The following ZFHX3 variants were observed in gnomAD, a reference collection of about 807,000 sequenced individuals.
ZFHX3 encodes the protein zinc finger homeobox 3.
ZFHX3 carries 42 observed loss-of-function variants against 279.1 expected under a neutral mutation model. The observed-to-expected ratio is 0.15, with a 90% confidence interval of 0.12 to 0.19. The LOEUF (loss-of-function observed/expected upper bound fraction) is 0.19, where lower values mean the gene tolerates loss of function less well. ZFHX3 is among the 10% of genes least tolerant of loss of function. The pLI is 1.00. For missense variants in ZFHX3, 4,981 were observed against 4,754.0 expected, an observed-to-expected ratio of 1.05 and a Z score of -1.40; for synonymous variants, 2,293 against 1,957.8, an observed-to-expected ratio of 1.17 and a Z score of -4.52.
intron 2 of ZFHX3, among the ~76,000 whole-genome samples, chr16:73,559,879 G>T (rs185824509): frequency 1.1e-4 from 16 of 152,326 alleles, no homozygotes; most frequent in Non-Finnish European, 2.1e-4. Context: ...TCAGGCCTGA[G>T]CCTAGGACAA....
Position 72,958,122 on chromosome 16 carries a change from T to G in ZFHX3, c.2024A>C (p.Lys675Thr). The G allele has an allele frequency of 6.2e-7, 1 of 1,614,216 alleles. No individual in the cohort carries two copies. The highest frequency in any genetic ancestry group is 8.5e-7 in the Non-Finnish European group (1 of 1,180,040). The change falls in exon 2 of 10, where the codon AAG becomes ACG. Residue 675 changes from lysine (K) to threonine (T), a missense_variant. This residue lies in a region of ZFHX3 where 1,068 missense variants were observed against 935.2 expected (regional missense o/e 1.14). Coordinates refer to ENST00000268489, the MANE Select transcript of ZFHX3 (RefSeq NM_006885.4). The stretch of plus-strand genomic sequence containing the variant: ...CTGGTACTTATAGTGCCAGTTGCAC[T>G]TGGGGCACTTGAGTGTCTTACACGA... ...RNSCKTLKCPKCNWHYKYQQT... is the reference protein window; with the variant it reads ...RNSCKTLKCPTCNWHYKYQQT...
At chr16:73,499,893 A>G (rs1322140031) in intron 2 of ZFHX3, 1 of 152,212 alleles carries the variant, frequency 6.6e-6, no homozygotes, top group East Asian at 1.9e-4. Context: ...CCAAAACATC[A>G]CTGTGCAAGG....
At chr16:72,972,959 C>A (rs1027150661) in intron 1 of ZFHX3, among the ~76,000 whole-genome samples, 1 of 152,220 alleles carries the variant, frequency 6.6e-6, no homozygotes, top group African/African-American at 2.4e-5. Flanking sequence ...ATTTAAGCGT[C>A]ATTGTACTCT....
At chr16:72,965,338 T>A (rs1007842609) in intron 1 of ZFHX3, among the ~76,000 whole-genome samples, 3 of 152,208 alleles carry the variant, frequency 2.0e-5, no homozygotes, top group Non-Finnish European at 2.9e-5. Flanking sequence ...AACGCCCTTT[T>A]CTTGCTTGAG....
intron 1 of ZFHX3, among the ~76,000 whole-genome samples, chr16:73,783,032 T>C (rs1959525222): frequency 6.6e-6 from 1 of 152,168 alleles, no homozygotes. Flanking sequence ...GAAGTGCTAG[T>C]TGCCAGAGAG....
chr16:72,919,563 G>GT (rs34441310), intron 3 of ZFHX3, among the ~76,000 whole-genome samples: 20,424 of 150,110 alleles, frequency 0.14, 1,721 homozygotes, highest in Middle Eastern at 0.2. Flanking sequence ...GATCTGTTTT[G>GT]TTTTTTTTTA....
intron 4 of ZFHX3, among the ~76,000 whole-genome samples, chr16:72,875,084 C>T (rs1456251886): frequency 6.6e-6 from 1 of 152,160 alleles, no homozygotes; most frequent in African/African-American, 2.4e-5. Flanking sequence ...ATGATATGGG[C>T]CAGTGTTTGT....
At chr16:73,603,633 T>C (rs1005392197) in intron 2 of ZFHX3, among the ~76,000 whole-genome samples, 1 of 152,142 alleles carries the variant, frequency 6.6e-6, no homozygotes, top group African/African-American at 2.4e-5. Flanking sequence ...AATAACATTA[T>C]TTATTATAAC....
chr16:73,058,511 G>A (rs1351359878), intron 1 of ZFHX3: 4 of 162,138 alleles, frequency 2.5e-5, no homozygotes, highest in Admixed American at 6.6e-5. Context: ...AAAAAAAAGA[G>A]GGAAAAGTTG....
rs140183599 is a variant in ZFHX3 at position 72,817,597 on chromosome 16, C to G, written c.3530-5559G>C. Among the ~76,000 whole-genome samples, 662 of 152,332 alleles carry G rather than the reference C, an allele frequency of 4.3e-3. 4 individuals are homozygous for G. The highest frequency in any genetic ancestry group is 0.015 in the African/African-American group (628 of 41,572). On this transcript the variant is annotated intron_variant, in intron 5 of 9. Coordinates refer to ENST00000268489, the MANE Select transcript of ZFHX3 (RefSeq NM_006885.4). ...ACACACCAGTGCGCTGTTGGCATGG[C>G]TGCATCCTACGATGCAGACCATTCT...
chr16:73,321,692 A>T (rs1172317510), intron 3 of ZFHX3, among the ~76,000 whole-genome samples: 2 of 152,210 alleles, frequency 1.3e-5, no homozygotes, highest in Non-Finnish European at 2.9e-5. Flanking sequence ...AGAGAGAGGC[A>T]GGCCTGGCCT....
intron 2 of ZFHX3, among the ~76,000 whole-genome samples, chr16:73,621,943 A>G (rs1018122805): frequency 1.3e-5 from 2 of 152,236 alleles, no homozygotes; most frequent in African/African-American, 4.8e-5. Context: ...CTAATGGAGG[A>G]GAATTCTACA....
chr16:73,497,126 G>T (rs958460319), intron 2 of ZFHX3, among the ~76,000 whole-genome samples: 8 of 152,170 alleles, frequency 5.3e-5, no homozygotes, highest in Non-Finnish European at 1.2e-4. Context: ...CTTTCCTGTA[G>T]AAAGTTTTAT....
intron 8 of ZFHX3, among the ~76,000 whole-genome samples, chr16:73,083,021 T>TAAAAAA (rs71156139): frequency 7.6e-6 from 1 of 132,046 alleles, no homozygotes; most frequent in African/African-American, 3.1e-5. Flanking sequence ...CCATCTCTAC[T>TAAAAAA]AAAAAAAAAA....
intron 3 of ZFHX3, among the ~76,000 whole-genome samples, chr16:73,375,554 A>G: frequency 6.6e-6 from 1 of 152,352 alleles, no homozygotes; most frequent in Non-Finnish European, 1.5e-5. Context: ...ATAACATGAT[A>G]TAACTATATA....
At chr16:73,404,436 C>G (rs1200524854) in intron 3 of ZFHX3, among the ~76,000 whole-genome samples, 1 of 152,058 alleles carries the variant, frequency 6.6e-6, no homozygotes, top group South Asian at 2.1e-4. Flanking sequence ...CTCGTAGGAC[C>G]TCCTAGGATG....
At chr16:73,039,854 A>G (rs1965046833) in intron 1 of ZFHX3, among the ~76,000 whole-genome samples, 1 of 152,136 alleles carries the variant, frequency 6.6e-6, no homozygotes, top group South Asian at 2.1e-4. Flanking sequence ...TAATACTCAG[A>G]TATCCAGGAG....
intron 1 of ZFHX3, among the ~76,000 whole-genome samples, chr16:73,864,675 G>T (rs139815794): frequency 2.0e-5 from 3 of 152,156 alleles, no homozygotes; most frequent in Admixed American, 1.3e-4. Context: ...AGCCAAGATC[G>T]CCCCACTGCA....
chr16:73,663,835 T>C (rs1207359923), intron 2 of ZFHX3, among the ~76,000 whole-genome samples: 2 of 152,158 alleles, frequency 1.3e-5, no homozygotes, highest in East Asian at 1.9e-4. Flanking sequence ...GGCTTTAGGA[T>C]ATGGCAGGTA....
Sources: gnomAD v4.1 joint callset for allele counts (sites outside exome capture counted in the v4.1 genomes callset) on GRCh38, gnomAD v4.1.1 for gene constraint, gnomAD v4.1.1 regional missense constraint, MANE v1.5 for transcripts, NCBI Gene and HGNC (gene_info 2026-07-23, HGNC 2026-07-21) for gene names.